The following COLEC12 variants were observed in gnomAD, a reference collection of about 807,000 sequenced individuals.
COLEC12 encodes collectin subfamily member 12.
Under a neutral mutation model 71.1 loss-of-function variants are expected in COLEC12, and 33 were observed. The observed-to-expected ratio is 0.46, with a 90% CI of 0.35 to 0.62. The LOEUF (loss-of-function observed/expected upper bound fraction) is 0.62, where lower values mean the gene tolerates loss of function less well. Ranked by LOEUF, COLEC12 falls within the 20% of genes least tolerant of loss-of-function variation. The pLI is 0.00. For synonymous variants in COLEC12, 350 were observed against 353.0 expected (o/e 0.99, Z 0.10); for missense variants, 765 against 916.1 (o/e 0.84, Z 2.13).
intron 2 of COLEC12, among the ~76,000 whole-genome samples, chr18:390,625 C>T (rs555979382): frequency 3.3e-5 from 5 of 151,960 alleles, no homozygotes; most frequent in Admixed American, 1.3e-4. Context: ...CCAGGCATGC[C>T]GGTGTGTGCC....
At chr18:403,842 G>A (rs16943942) in intron 2 of COLEC12, among the ~76,000 whole-genome samples, 5,300 of 152,276 alleles carry the variant, frequency 0.035, 154 homozygotes, top group African/African-American at 0.081. Context: ...GCAAGTCAAC[G>A]TGGAAGAGGG....
chr18:317,707 G>A lies in COLEC12; in HGVS notation c.*2338C>T, dbSNP rs1243252755. On this transcript the variant is annotated 3_prime_UTR_variant, in exon 10 of 10. Coordinates refer to ENST00000400256, the MANE Select transcript of COLEC12 (RefSeq NM_130386.3). The stretch of plus-strand genomic sequence containing the variant: ...ATTTTAATTGACACTTGAAAACCAG[G>A]AAGAGCATGAAAAAGAGGACTCAGT... 1 of 152,346 alleles carries A rather than the reference G, an allele frequency of 6.6e-6. No individual in the cohort carries two copies. The highest frequency in any genetic ancestry group is 1.9e-4 in the East Asian group (1 of 5,184). The allele number at this position is 152,346 out of a possible 1,614,324, so 9.4% of individuals were successfully genotyped here.
chr18:494,588 GGATTC>G (rs1917676513), intron 1 of COLEC12, among the ~76,000 whole-genome samples: 1 of 152,098 alleles, frequency 6.6e-6, no homozygotes, highest in African/African-American at 2.4e-5. Context: ...AGAAATGATT[GGATTC>G]AACACCTGGG....
In COLEC12 at chr18:347,196, G is replaced by A. The variant is rs34928284; in HGVS notation, c.426C>T (p.Ser142=). The change falls in exon 5 of 10, where the codon AGC becomes AGT. Residue 142 remains serine (S), a synonymous_variant. Coordinates refer to ENST00000400256, the MANE Select transcript of COLEC12 (RefSeq NM_130386.3). The part of the protein sequence containing the change: ...NKDTLEKLQA[S]GDALVDRQSQ... ...TCTGCCTGTCCACCAGAGCATCCCC[G>A]CTCGCCTGTAACTTCTCCAGCGTAT... 143 of 1,614,058 alleles carry A rather than the reference G, an allele frequency of 8.9e-5. No homozygotes were observed. The highest frequency in any genetic ancestry group is 3.3e-4 in the Middle Eastern group (2 of 6,062).
Position 500,442 on chromosome 18 carries a change from G to GCCC in COLEC12, c.7+65_7+66insGGG. The GCCC allele has an allele frequency of 9.6e-7, 1 of 1,039,910 alleles. No homozygotes were observed. The highest frequency in any genetic ancestry group is 4.3e-5 in the East Asian group (1 of 23,274). 64.4% of individuals were successfully genotyped at this position (1,039,910 alleles called of 1,614,324 possible). ...AGGTTCGCGCGGGAGGCACCTCCGT[G>GCCC]GCCTCCCGCGCGCCCCGAAGCCCGT... On this transcript the variant is annotated intron_variant, in intron 1 of 9. Transcript: ENST00000400256. This position sits in a 1 kb window ranked among gnomAD's most constrained non-coding sequence, Gnocchi z 5.3.
intron 1 of COLEC12, among the ~76,000 whole-genome samples, chr18:496,589 C>T (rs1011841990): frequency 1.3e-5 from 2 of 152,122 alleles, no homozygotes; most frequent in African/African-American, 2.4e-5. Flanking sequence ...CAGAGAGACA[C>T]TGAAAAAGCA....
chr18:459,066 T>G (rs965455490), intron 2 of COLEC12, among the ~76,000 whole-genome samples: 1 of 152,194 alleles, frequency 6.6e-6, no homozygotes, highest in African/African-American at 2.4e-5. Context: ...TTGTCCAGGC[T>G]GGTCTCGAAC....
intron 2 of COLEC12, among the ~76,000 whole-genome samples, chr18:413,018 T>C (rs1032949416): frequency 2.6e-5 from 4 of 152,136 alleles, no homozygotes; most frequent in Admixed American, 6.5e-5. Flanking sequence ...GCATAGTTGA[T>C]TAAAAACATA....
intron 2 of COLEC12, among the ~76,000 whole-genome samples, chr18:423,435 CT>C (rs549742527): frequency 2.6e-5 from 4 of 151,864 alleles, no homozygotes; most frequent in African/African-American, 9.7e-5. Flanking sequence ...TCTTCTTCTT[CT>C]TTTTTTTAAC....
At position 354,020 on chromosome 18, in the gene COLEC12, T is replaced by C. The variant is rs191123551; in HGVS notation, c.181+3380A>G. Among the ~76,000 whole-genome samples the C allele has an allele frequency of 2.5e-3, 378 of 152,356 alleles. 8 individuals are homozygous for C. Among genetic ancestry groups the C allele is most frequent in the Admixed American group, 0.019 (294 of 15,300 alleles). On this transcript the variant is annotated intron_variant, in intron 3 of 9. Coordinates refer to ENST00000400256, the MANE Select transcript of COLEC12 (RefSeq NM_130386.3). ...AATGTTGAATTAAAGGAGATCCTTATTGAGAAAGATTCAGATTTCTGTCTT... is the reference window on the plus strand; with the variant it reads ...AATGTTGAATTAAAGGAGATCCTTACTGAGAAAGATTCAGATTTCTGTCTT...
intron 5 of COLEC12, among the ~76,000 whole-genome samples, chr18:340,673 CT>C (rs1914231205): frequency 6.6e-6 from 1 of 152,182 alleles, no homozygotes; most frequent in Non-Finnish European, 1.5e-5. Context: ...TTAAGACCCA[CT>C]GGTGGTAAGA....
chr18:335,845 C>A (rs577718120), intron 5 of COLEC12, among the ~76,000 whole-genome samples: 2 of 152,152 alleles, frequency 1.3e-5, no homozygotes, highest in Non-Finnish European at 2.9e-5. Flanking sequence ...CAGTGCACAA[C>A]GTTTTAGTGC....
chr18:344,735 A>G (rs1490402737), intron 5 of COLEC12, among the ~76,000 whole-genome samples: 9 of 152,166 alleles, frequency 5.9e-5, no homozygotes, highest in Admixed American at 2.0e-4. Flanking sequence ...ATCAACATTT[A>G]TCTGTTTTGT....
chr18:489,420 C>T (rs1917579630), intron 1 of COLEC12, among the ~76,000 whole-genome samples: 1 of 152,092 alleles, frequency 6.6e-6, no homozygotes, highest in Non-Finnish European at 1.5e-5. Flanking sequence ...AGTGTGTGTG[C>T]ATGTGTCTGA....
intron 2 of COLEC12, among the ~76,000 whole-genome samples, chr18:365,721 C>T (rs1914840904): frequency 2.6e-5 from 4 of 152,106 alleles, no homozygotes; most frequent in Admixed American, 1.3e-4. Flanking sequence ...AATACACTGG[C>T]AAAAAATATT....
chr18:348,766 A>G (rs942749188), intron 3 of COLEC12, among the ~76,000 whole-genome samples: 1 of 152,240 alleles, frequency 6.6e-6, no homozygotes, highest in African/African-American at 2.4e-5. Context: ...TCAGTTCTCA[A>G]GTAGATGCCT....
intron 3 of COLEC12, among the ~76,000 whole-genome samples, chr18:350,953 C>T (rs1232540803): frequency 1.5e-5 from 2 of 135,162 alleles, no homozygotes; most frequent in Non-Finnish European, 1.5e-5. Flanking sequence ...GAGCGAGACT[C>T]TGTCTCAAAA....
rs1914367906 is a variant in COLEC12, at chr18:346,262, T to G, written c.1327+33A>C. On this transcript the variant is annotated intron_variant, in intron 5 of 9. Transcript: ENST00000400256. The surrounding 1 kb of genome is among the most constrained non-coding windows in gnomAD (Gnocchi z 4.0). ...AACTTGTTATGCAGCAATAAACAAC[T>G]AATACAAATACAAATTCAGAATTTT... The G allele has an allele frequency of 2.0e-6, 3 of 1,476,084 alleles. No individual in the cohort carries two copies. Among genetic ancestry groups the G allele is most frequent in the Non-Finnish European group, 2.8e-6 (3 of 1,079,776 alleles). The allele number at this position is 1,476,084 out of a possible 1,614,324, so 91.4% of individuals were successfully genotyped here. A position where few individuals can be genotyped will look rare whatever the true frequency, so the allele number is the denominator to read the frequency against.
intron 1 of COLEC12, among the ~76,000 whole-genome samples, chr18:482,262 C>T (rs962197164): frequency 1.3e-5 from 2 of 151,846 alleles, no homozygotes; most frequent in South Asian, 2.1e-4. Context: ...TACAGGCACC[C>T]GCCACTACCC....
Sources: allele counts gnomAD v4.1 joint callset (sites outside exome capture counted in the v4.1 genomes callset), GRCh38; gene constraint gnomAD v4.1.1; non-coding constraint Gnocchi (gnomAD v3.1); transcripts MANE v1.5; gene names NCBI Gene and HGNC (gene_info 2026-07-23, HGNC 2026-07-21).